The following TCF23 variants were observed in gnomAD, a reference collection of about 807,000 sequenced individuals.
The protein encoded by TCF23 is class A basic helix-loop-helix protein 24.
Under a neutral mutation model 13.0 loss-of-function variants are expected in TCF23, and 7 were observed. That is an observed-to-expected ratio of 0.54 (90% CI 0.31 to 1.01). TCF23 has a LOEUF of 1.01. TCF23 is among the 50% of genes least tolerant of loss of function. The probability of loss-of-function intolerance (pLI) is 0.06; values close to 1 mark genes in which losing one functional copy is unlikely to be tolerated. For missense variants in TCF23, 257 were observed against 289.8 expected (o/e 0.89, Z 0.82); for synonymous variants, 122 against 119.5 (o/e 1.02, Z -0.14).
Position 27,149,164 on chromosome 2 carries a change from G to T in TCF23, c.31G>T (p.Ala11Ser). 3.2e-6 allele frequency: 5 copies of T among 1,550,752 alleles called. No homozygotes were observed. Among genetic ancestry groups the T allele is most frequent in the Non-Finnish European group, 4.4e-6 (5 of 1,147,216 alleles). ...ACAGAGGAAGGCCAGAGGGCCACCA[G>T]CCATGCCAGGGGTGGGGCATAGCCA... MSQRKARGPP[A>S]MPGVGHSQTQ... is the part of the protein sequence containing the mutation. Residue 11 changes from alanine (A) to serine (S), a missense_variant, in exon 1 of 3, where the codon GCC becomes TCC. Coordinates refer to ENST00000296096, the MANE Select transcript of TCF23 (RefSeq NM_175769.3).
intron 2 of TCF23, among the ~76,000 whole-genome samples, chr2:27,151,132 G>A (rs1023854018): frequency 6.6e-6 from 1 of 152,158 alleles, no homozygotes; most frequent in African/African-American, 2.4e-5. Context: ...TGAAGCTTAG[G>A]GAGGTTATGA....
intron 2 of TCF23, 91 bp from the exon 3 acceptor site, chr2:27,152,597 C>T (rs1672776369): frequency 1.4e-6 from 2 of 1,477,610 alleles, no homozygotes; most frequent in Non-Finnish European, 1.8e-6. Flanking sequence ...GGGAGGGATG[C>T]TGGAGAAGGC....
At chr2:27,152,320 G>A (rs1672772854) in intron 2 of TCF23, among the ~76,000 whole-genome samples, 1 of 152,244 alleles carries the variant, frequency 6.6e-6, no homozygotes, top group African/African-American at 2.4e-5. Flanking sequence ...GGAAAGATGG[G>A]CAAACCTTGG....
chr2:27,154,833 T>C lies in TCF23; in HGVS notation c.*1966T>C, dbSNP rs907987383. On this transcript the variant is annotated 3_prime_UTR_variant, in exon 3 of 3. Coordinates refer to ENST00000296096, the MANE Select transcript of TCF23 (RefSeq NM_175769.3). ...AAGCCAAACAGCAGTATCTTCCTGG[T>C]TGAGTTCACGGGAGTGCTAGGAAGA... 6.6e-6 allele frequency: 1 copy of C among 152,332 alleles called. No individual in the cohort carries two copies. The highest frequency in any genetic ancestry group is 2.4e-5 in the African/African-American group (1 of 41,474). The allele number at this position is 152,332 out of a possible 1,614,324, so 9.4% of individuals were successfully genotyped here.
chr2:27,152,993 C>G lies in TCF23; in HGVS notation c.*126C>G. ...CAGCTCCCAAGTTCCAGCATGCAGA[C>G]CAAGAGAAGCAGTAGCACTTCTGTG... On this transcript the variant is annotated 3_prime_UTR_variant, in exon 3 of 3. Coordinates refer to ENST00000296096, the MANE Select transcript of TCF23 (RefSeq NM_175769.3). 1 of 1,512,278 alleles carries G rather than the reference C, an allele frequency of 6.6e-7. No individual in the cohort carries two copies. Among genetic ancestry groups the G allele is most frequent in the Non-Finnish European group, 8.8e-7 (1 of 1,133,650 alleles). 93.7% of individuals were successfully genotyped at this position (1,512,278 alleles called of 1,614,324 possible).
intron 2 of TCF23, among the ~76,000 whole-genome samples, chr2:27,151,284 A>G (rs1178153951): frequency 6.6e-6 from 1 of 152,166 alleles, no homozygotes; most frequent in Non-Finnish European, 1.5e-5. Context: ...TTGCCCTCTG[A>G]GGATAACATT....
At chr2:27,152,542 T>C in intron 2 of TCF23, 146 bp from the exon 3 acceptor site, 2 of 887,512 alleles carry the variant, frequency 2.3e-6, no homozygotes, top group Admixed American at 2.8e-5. Flanking sequence ...GGGCTGTACA[T>C]GATGATGACC....
At position 27,152,718 on chromosome 2, in the gene TCF23, G is replaced by A; in HGVS notation, c.496G>A (p.Gly166Arg). 1 of 1,613,978 alleles carries A rather than the reference G, an allele frequency of 6.2e-7. No individual in the cohort carries two copies. The change falls in exon 3 of 3, where the codon GGA becomes AGA. Residue 166 changes from glycine to arginine, a missense_variant. Coordinates refer to ENST00000296096, the MANE Select transcript of TCF23 (RefSeq NM_175769.3). ...KWPMRSRLYA[G>R]GLGYSDLDST... ...GCCGATGCGATCTCGTCTCTATGCTGGAGGCCTGGGGTACTCCGATCTTGA... is the reference window on the plus strand; with the variant it reads ...GCCGATGCGATCTCGTCTCTATGCTAGAGGCCTGGGGTACTCCGATCTTGA...
chr2:27,153,281 C>T lies in TCF23; in HGVS notation c.*414C>T, dbSNP rs112397770. The T allele has an allele frequency of 1.8e-4, 29 of 162,306 alleles. No individual in the cohort carries two copies. Among genetic ancestry groups the T allele is most frequent in the African/African-American group, 5.3e-4 (22 of 41,860 alleles). The allele number at this position is 162,306 out of a possible 1,614,324, so 10.1% of individuals were successfully genotyped here. A position where few individuals can be genotyped will look rare whatever the true frequency, so the allele number is the denominator to read the frequency against. On this transcript the variant is annotated 3_prime_UTR_variant, in exon 3 of 3. Coordinates refer to ENST00000296096, the MANE Select transcript of TCF23 (RefSeq NM_175769.3). ...GGTGCTGATGGGAAAGCCAGGTGGC[C>T]GGATAGGCTCCTGGTAGCTCCAAGT...
chr2:27,152,860 A>G lies in TCF23; in HGVS notation c.638A>G (p.Asp213Gly). ...ACACCACTCTCACCAGCTCTTGGTG[A>G]CAAATAATTATCACACTCGCCCTTT... is the stretch of plus-strand genomic sequence containing the variant. The part of the protein sequence containing the change: ...STTPLSPALG[D>G]K The change falls in exon 3 of 3, where the codon GAC (aspartate) becomes GGC (glycine). Residue 213 changes from aspartate (D) to glycine (G), a missense_variant. Transcript: ENST00000296096. The G allele has an allele frequency of 1.2e-6, 2 of 1,613,324 alleles. No individual in the cohort carries two copies. Among genetic ancestry groups the G allele is most frequent in the Non-Finnish European group, 1.7e-6 (2 of 1,179,508 alleles).
At chr2:27,149,972 GGCTGCAGATGACGTAGGTGGGCA>G (rs1672734313) in intron 1 of TCF23, 128 bp from the exon 2 acceptor site, 2 of 1,309,204 alleles carry the variant, frequency 1.5e-6, no homozygotes, top group Non-Finnish European at 2.1e-6. Flanking sequence ...AACGCGGCAG[GGCTGCAGATGACGTAGGTGGGCA>G]GAGGCCCTCT....
intron 2 of TCF23, among the ~76,000 whole-genome samples, chr2:27,151,061 G>A (rs1672754200): frequency 6.6e-6 from 1 of 152,178 alleles, no homozygotes; most frequent in Non-Finnish European, 1.5e-5. Flanking sequence ...GTACGTTAGT[G>A]TATTTTTGTC....
intron 2 of TCF23, among the ~76,000 whole-genome samples, chr2:27,152,152 A>G (rs1025834022): frequency 6.6e-6 from 1 of 152,212 alleles, no homozygotes; most frequent in Non-Finnish European, 1.5e-5. Flanking sequence ...GAATGAACCA[A>G]TGAGGGCCCG....
Position 27,152,878 on chromosome 2 carries a change from C to T in TCF23, c.*11C>T, listed in dbSNP as rs750404362. 4.3e-6 allele frequency: 7 copies of T among 1,610,764 alleles called. No homozygotes were observed. The highest frequency in any genetic ancestry group is 4.5e-5 in the East Asian group (2 of 44,840). ...CTTGGTGACAAATAATTATCACACT[C>T]GCCCTTTTCTCCTAGACTGTGACTC... On this transcript the variant is annotated 3_prime_UTR_variant, in exon 3 of 3. Coordinates refer to ENST00000296096, the MANE Select transcript of TCF23 (RefSeq NM_175769.3).
At position 27,154,748 on chromosome 2, in the gene TCF23, G is replaced by C. The variant is rs1672811924; in HGVS notation, c.*1881G>C. 6.5e-6 allele frequency: 1 copy of C among 152,798 alleles called. No homozygotes were observed. 9.5% of individuals were successfully genotyped at this position (152,798 alleles called of 1,614,324 possible). On this transcript the variant is annotated 3_prime_UTR_variant, in exon 3 of 3. Transcript: ENST00000296096. ...CAGGGGCAGAGGCCAGGTGTGGGAG[G>C]GCATGAGCACAGTGTTCTTCACAAG...
At position 27,153,597 on chromosome 2, in the gene TCF23, C is replaced by G. The variant is rs1042612592; in HGVS notation, c.*730C>G. On this transcript the variant is annotated 3_prime_UTR_variant, in exon 3 of 3. Coordinates refer to ENST00000296096, the MANE Select transcript of TCF23 (RefSeq NM_175769.3). ...ATATGTTGCCCAGGCTGGCCTCGAA[C>G]CCCTGGCCTCAAGTGATCCTCCCAC... 3.3e-5 allele frequency: 5 copies of G among 153,104 alleles called. No individual in the cohort carries two copies. Among genetic ancestry groups the G allele is most frequent in the Non-Finnish European group, 7.2e-5 (5 of 69,148 alleles). The allele number at this position is 153,104 out of a possible 1,614,324, so 9.5% of individuals were successfully genotyped here.
Position 27,156,268 on chromosome 2 carries a change from G to C in TCF23, c.*3401G>C, listed in dbSNP as rs1672834058. 1 of 151,348 alleles carries C rather than the reference G, an allele frequency of 6.6e-6. No individual in the cohort carries two copies. The highest frequency in any genetic ancestry group is 2.4e-5 in the African/African-American group (1 of 41,142). 9.4% of individuals were successfully genotyped at this position (151,348 alleles called of 1,614,324 possible). On this transcript the variant is annotated 3_prime_UTR_variant, in exon 3 of 3. Coordinates refer to ENST00000296096, the MANE Select transcript of TCF23 (RefSeq NM_175769.3). The stretch of plus-strand genomic sequence containing the variant: ...TTGATCCCAGGAGGTGGAGTTTGCA[G>C]TGAGCTGAGATTGTGCCATTGCACT...
chr2:27,150,413 G>A lies in TCF23; in HGVS notation c.465+48G>A. On this transcript the variant is annotated intron_variant, in intron 2 of 2. Coordinates refer to ENST00000296096, the MANE Select transcript of TCF23 (RefSeq NM_175769.3). This position sits in a 1 kb window ranked among gnomAD's most constrained non-coding sequence, Gnocchi z 4.1. ...TGAGAGGCGGATCTTAATGCCCAGG[G>A]CCTTGGAGAAAGGGATTGGAATGAG... 1 of 1,596,264 alleles carries A rather than the reference G, an allele frequency of 6.3e-7. No homozygotes were observed. Among genetic ancestry groups the A allele is most frequent in the Non-Finnish European group, 8.6e-7 (1 of 1,167,308 alleles).
At chr2:27,149,938 T>G in intron 1 of TCF23, 185 bp from the exon 2 acceptor site, 1 of 985,100 alleles carries the variant, frequency 1.0e-6, no homozygotes, top group Non-Finnish European at 1.5e-6. Flanking sequence ...TGGCCAGGCC[T>G]TCCCCCAACT....
Sources: allele counts gnomAD v4.1 joint callset (sites outside exome capture counted in the v4.1 genomes callset), GRCh38; gene constraint gnomAD v4.1.1; non-coding constraint Gnocchi (gnomAD v3.1); transcripts MANE v1.5; gene names NCBI Gene and HGNC (gene_info 2026-07-23, HGNC 2026-07-21).